Variants in FIBP observed in about 807,000 individuals in gnomAD.
FIBP encodes FGF1 intracellular binding protein.
FIBP carries 29 observed loss-of-function variants against 40.5 expected under a neutral mutation model. The ratio of observed to expected loss-of-function variants is 0.72; its 90% CI spans 0.53 to 0.98. The LOEUF (loss-of-function observed/expected upper bound fraction) is 0.98. FIBP is among the 50% of genes least tolerant of loss of function. The pLI is 0.00. For missense variants in FIBP, 411 were observed against 470.2 expected, an observed-to-expected ratio of 0.87 and a Z score of 1.16; for synonymous variants, 215 against 191.1, an observed-to-expected ratio of 1.13 and a Z score of -1.03.
chr11:65,886,252 G>GT, intron 4 of FIBP, 70 bp downstream of exon 4: 2 of 997,512 alleles, frequency 2.0e-6, no homozygotes, highest in Non-Finnish European at 3.2e-6. Flanking sequence ...AAGGTTTGGG[G>GT]TAGGGAAGGT....
chr11:65,885,220 T>C (rs536284942), intron 5 of FIBP, 34 bp from the exon 6 acceptor site: 4 of 1,050,758 alleles, frequency 3.8e-6, no homozygotes, highest in East Asian at 2.4e-5. Flanking sequence ...GGGTGGGTGA[T>C]AAAAACCCCT....
At chr11:65,884,850 C>A (rs773967562) in intron 7 of FIBP, 85 bp downstream of exon 7, 55 of 1,536,712 alleles carry the variant, frequency 3.6e-5, no homozygotes, top group Non-Finnish European at 4.7e-5. Flanking sequence ...CCGGCCAATC[C>A]CTGGCAGGGG....
At chr11:65,884,826 A>G in intron 7 of FIBP, 109 bp downstream of exon 7, 2 of 1,411,214 alleles carry the variant, frequency 1.4e-6, no homozygotes, top group Admixed American at 1.7e-5. Context: ...CAGAGGGAGC[A>G]GCAGTGCCAC....
chr11:65,884,579 G>C lies in FIBP; in HGVS notation c.897C>G (p.Leu299=). 6.2e-7 allele frequency: 1 copy of C among 1,614,174 alleles called. No homozygotes were observed. Among genetic ancestry groups the C allele is most frequent in the South Asian group, 1.1e-5 (1 of 91,088 alleles). The change falls in exon 8 of 10, where the codon CTC becomes CTG. Residue 299 remains leucine, a synonymous_variant. Transcript: ENST00000357519. The stretch of plus-strand genomic sequence containing the variant: ...GAGCACGACAGCTCACCTTCTCCAC[G>C]AGGTCCACAAACAGGTCTCTGACAT... The part of the protein sequence containing the change: ...NKDVRDLFVD[L]VEKFVEPCRS...
chr11:65,886,233 G>C (rs1174858605), intron 4 of FIBP, 89 bp downstream of exon 4: 1 of 800,946 alleles, frequency 1.2e-6, no homozygotes, highest in African/African-American at 1.7e-5. Context: ...AGCATACTCA[G>C]GAGGTCAGAA....
chr11:65,884,377 G>A lies in FIBP; in HGVS notation c.1004+15C>T, dbSNP rs750662527. On this transcript the variant is annotated intron_variant, in intron 9 of 9. Transcript: ENST00000357519. ...GGGGCAAAGCCAAGCTGGACAGGAGGACAGGGCTGCTCACCGGAAGCCATC... is the reference window on the plus strand; with the variant it reads ...GGGGCAAAGCCAAGCTGGACAGGAGAACAGGGCTGCTCACCGGAAGCCATC... The A allele has an allele frequency of 2.5e-6, 4 of 1,610,750 alleles. No homozygotes were observed. The African/African-American group carries it at 4.0e-5, about 16-fold the overall frequency.
intron 9 of FIBP, 66 bp downstream of exon 9, chr11:65,884,326 G>T: frequency 1.4e-6 from 2 of 1,431,322 alleles, no homozygotes; most frequent in Non-Finnish European, 2.0e-6. Context: ...GTCTGCAGGA[G>T]GCGAGGTCCT....
Position 65,885,179 on chromosome 11 carries a change from CTGTGAG to C in FIBP, c.648_653del (p.Asp216_Gln218delinsGlu). On this transcript the variant is annotated inframe_deletion and splice_region_variant, in exon 6 of 10. Coordinates refer to ENST00000357519, the MANE Select transcript of FIBP (RefSeq NM_004214.5). ...CTAAGTCCATGTCCATGTCATCCAT[CTGTGAG>C]TCTGTGAGGCCATGAAGGGGGTGGG... The C allele has an allele frequency of 1.3e-6, 1 of 765,424 alleles. No homozygotes were observed. Among genetic ancestry groups the C allele is most frequent in the Non-Finnish European group, 2.1e-6 (1 of 485,480 alleles). The allele number at this position is 765,424 out of a possible 1,614,324, so 47.4% of individuals were successfully genotyped here. A position where few individuals can be genotyped will look rare whatever the true frequency, so the allele number is the denominator to read the frequency against.
Position 65,884,639 on chromosome 11 carries a change from C to T in FIBP, c.837G>A (p.Leu279=). The T allele has an allele frequency of 6.2e-7, 1 of 1,614,148 alleles. No homozygotes were observed. The highest frequency in any genetic ancestry group is 8.5e-7 in the Non-Finnish European group (1 of 1,180,034). Residue 279 remains leucine, a synonymous_variant, in exon 8 of 10, where the codon CTG becomes CTA. Transcript: ENST00000357519. ...EANFKNLSRG[L]VNVAAKLTHN... is the part of the protein sequence containing the mutation. ...GGGTCAGCTTGGCGGCCACGTTCACCAGCCCCCGGGACAGGTTCTGTGGGG... is the reference window on the plus strand; with the variant it reads ...GGGTCAGCTTGGCGGCCACGTTCACTAGCCCCCGGGACAGGTTCTGTGGGG...
At chr11:65,887,749 T>C (rs367944317) in intron 2 of FIBP, 23 bp from the exon 3 acceptor site, 41 of 1,612,192 alleles carry the variant, frequency 2.5e-5, no homozygotes, top group South Asian at 4.4e-5. Context: ...GAGAACACCA[T>C]TGACCCTCCA....
Position 65,885,474 on chromosome 11 carries a change from A to C in FIBP, c.646+56T>G, listed in dbSNP as rs2134772450. On this transcript the variant is annotated intron_variant, in intron 5 of 9. Coordinates refer to ENST00000357519, the MANE Select transcript of FIBP (RefSeq NM_004214.5). ...CCTGTGGGAGAAACTACTGGTGGGGAATCAGGTCCTGAGGATGGGGAGGCG... is the reference window on the plus strand; with the variant it reads ...CCTGTGGGAGAAACTACTGGTGGGGCATCAGGTCCTGAGGATGGGGAGGCG... 6 of 1,582,186 alleles carry C rather than the reference A, an allele frequency of 3.8e-6. No homozygotes were observed. In the Middle Eastern group the frequency reaches 9.8e-4, roughly 258 times the overall value.
chr11:65,886,068 G>A lies in FIBP; in HGVS notation c.512+254C>T. ...GCCTGTAATCCCAGCTACTCGGGAG[G>A]CTGAGGCAGAATTGCTTGAACCAGG... On this transcript the variant is annotated intron_variant, in intron 4 of 9. Coordinates refer to ENST00000357519, the MANE Select transcript of FIBP (RefSeq NM_004214.5). 4 of 480,490 alleles carry A rather than the reference G, an allele frequency of 8.3e-6. No individual in the cohort carries two copies. The South Asian group carries it at 1.0e-4, about 12-fold the overall frequency. 29.8% of individuals were successfully genotyped at this position (480,490 alleles called of 1,614,324 possible).
chr11:65,886,250 G>C (rs1185100772), intron 4 of FIBP, 72 bp downstream of exon 4: 2 of 964,182 alleles, frequency 2.1e-6, no homozygotes, highest in Non-Finnish European at 3.4e-6. Context: ...AGAAGGTTTG[G>C]GGTAGGGAAG....
intron 4 of FIBP, 95 bp from the exon 5 acceptor site, chr11:65,885,758 CCTCT>C: frequency 1.7e-6 from 2 of 1,196,910 alleles, no homozygotes; most frequent in Non-Finnish European, 2.4e-6. Context: ...CGAGTTCTGG[CCTCT>C]CTCTGCCTCA....
chr11:65,884,367 T>G, intron 9 of FIBP, 25 bp downstream of exon 9: 1 of 1,607,370 alleles, frequency 6.2e-7, no homozygotes, highest in Non-Finnish European at 8.5e-7. Context: ...AAAGCCAAGC[T>G]GGACAGGAGG....
At position 65,885,006 on chromosome 11, in the gene FIBP, G is replaced by C; in HGVS notation, c.756-8C>G. On this transcript the variant is annotated splice_region_variant and splice_polypyrimidine_tract_variant and intron_variant, in intron 6 of 9. Transcript: ENST00000357519. ...AGAGCAGTGCACACCAGGCTGCAGA[G>C]AGACAGGGTCACGCCTATAGCCACC... The C allele has an allele frequency of 6.2e-7, 1 of 1,614,196 alleles. No homozygotes were observed. Among genetic ancestry groups the C allele is most frequent in the South Asian group, 1.1e-5 (1 of 91,086 alleles).
In FIBP at chr11:65,883,747, T is replaced by C; in HGVS notation, c.*227A>G. 1.1e-6 allele frequency: 1 copy of C among 871,578 alleles called. No individual in the cohort carries two copies. The highest frequency in any genetic ancestry group is 1.8e-6 in the Non-Finnish European group (1 of 552,124). The allele number at this position is 871,578 out of a possible 1,614,324, so 54.0% of individuals were successfully genotyped here. A position where few individuals can be genotyped will look rare whatever the true frequency, so the allele number is the denominator to read the frequency against. On this transcript the variant is annotated 3_prime_UTR_variant, in exon 10 of 10. Transcript: ENST00000357519. Reference sequence around the variant, plus strand: ...AAACCAAGACAAGACCTCTGGCTTGTGAGCAGACTCTTCTGGTGGATGGGC... The same window carrying C: ...AAACCAAGACAAGACCTCTGGCTTGCGAGCAGACTCTTCTGGTGGATGGGC...
Position 65,885,077 on chromosome 11 carries a change from C to T in FIBP, c.755+1G>A. 1 of 1,613,664 alleles carries T rather than the reference C, an allele frequency of 6.2e-7. No homozygotes were observed. Among genetic ancestry groups the T allele is most frequent in the Non-Finnish European group, 8.5e-7 (1 of 1,179,562 alleles). On this transcript the variant is annotated splice_donor_variant, in intron 6 of 9. Coordinates refer to ENST00000357519, the MANE Select transcript of FIBP (RefSeq NM_004214.5). LOFTEE classifies it high-confidence loss of function. ...CGCCCCATGGGCCCCTACAAGGTCA[C>T]CTCTTGTGCAGGTCCAGAAGGTCCT...
In FIBP at chr11:65,884,433, C is replaced by T. The variant is rs370619260; in HGVS notation, c.963G>A (p.Leu321=). 247 of 1,614,036 alleles carry T rather than the reference C, an allele frequency of 1.5e-4. No individual in the cohort carries two copies. The highest frequency in any genetic ancestry group is 2.0e-4 in the Non-Finnish European group (238 of 1,180,036). Residue 321 remains leucine, a synonymous_variant, in exon 9 of 10, where the codon CTG becomes CTA. Transcript: ENST00000357519. The part of the protein sequence containing the change: ...HWPLSDVRFF[L]NQYSASVHSL... ...AGTGGACAGACGCTGAATACTGATTCAGGAAGAACCGCACGTCGCTGAGTG... is the reference window on the plus strand; with the variant it reads ...AGTGGACAGACGCTGAATACTGATTTAGGAAGAACCGCACGTCGCTGAGTG...
Sources: gnomAD v4.1 joint callset for allele counts on GRCh38, gnomAD v4.1.1 for gene constraint, MANE v1.5 for transcripts, NCBI Gene and HGNC (gene_info 2026-07-23, HGNC 2026-07-21) for gene names.